ANKS1B: variants seen among roughly 807,000 people sequenced by gnomAD.
ANKS1B encodes ankyrin repeat and sterile alpha motif domain containing 1B, also known as ankyrin repeat and sterile alpha motif domain-containing protein 1B.
Under a neutral mutation model 148.3 loss-of-function variants are expected in ANKS1B, and 36 were observed. The observed-to-expected ratio is 0.24, with a 90% CI of 0.19 to 0.32. The LOEUF is 0.32. Ranked by LOEUF, ANKS1B falls within the 10% of genes least tolerant of loss-of-function variation. The pLI, the probability that ANKS1B is intolerant of heterozygous loss-of-function variation, is 1.00. For missense variants in ANKS1B, 1,157 were observed against 1,542.6 expected (o/e 0.75, Z 4.19); for synonymous variants, 542 against 560.8 (o/e 0.97, Z 0.47).
intron 10 of ANKS1B, among the ~76,000 whole-genome samples, chr12:99,447,925 G>A (rs1484325704): frequency 6.6e-6 from 1 of 152,006 alleles, no homozygotes. Context: ...CAGGGAAAAT[G>A]GCTTTTATAA....
chr12:99,464,703 T>C (rs2096064842), intron 10 of ANKS1B, among the ~76,000 whole-genome samples: 1 of 151,894 alleles, frequency 6.6e-6, no homozygotes, highest in South Asian at 2.1e-4. Flanking sequence ...TGATGGAAGA[T>C]GAAATGAATG....
intron 12 of ANKS1B, among the ~76,000 whole-genome samples, chr12:99,382,894 T>C (rs1200555460): frequency 2.0e-5 from 3 of 152,106 alleles, no homozygotes; most frequent in Non-Finnish European, 4.4e-5. Flanking sequence ...AAGTCTTAGA[T>C]ATATTATACC....
rs191157778 is a variant in ANKS1B, at chr12:98,909,373, G to T, written c.2779-77237C>A. Reference sequence around the variant, plus strand: ...TTTGATATAGAAATTAGTTTACCTAGTGTACTGATGAGGTACATGAGGCTC... The same window carrying T: ...TTTGATATAGAAATTAGTTTACCTATTGTACTGATGAGGTACATGAGGCTC... On this transcript the variant is annotated intron_variant, in intron 17 of 26. Coordinates refer to ENST00000683438, the MANE Select transcript of ANKS1B (RefSeq NM_001352186.2). Among the ~76,000 whole-genome samples, 392 of 152,304 alleles carry T rather than the reference G, an allele frequency of 2.6e-3. 1 individual carries two copies. Among genetic ancestry groups the T allele is most frequent in the Non-Finnish European group, 4.3e-3 (292 of 68,036 alleles).
At chr12:99,350,341 T>A (rs1445093745) in intron 12 of ANKS1B, among the ~76,000 whole-genome samples, 7 of 151,208 alleles carry the variant, frequency 4.6e-5, no homozygotes, top group African/African-American at 7.3e-5. Context: ...GCTCAGGTAT[T>A]TTTTTTATAG....
At chr12:99,336,929 A>C (rs972636507) in intron 12 of ANKS1B, among the ~76,000 whole-genome samples, 5 of 151,944 alleles carry the variant, frequency 3.3e-5, no homozygotes, top group Non-Finnish European at 7.4e-5. Flanking sequence ...TGCTTTCAGG[A>C]TCCTTTCTTT....
intron 1 of ANKS1B, among the ~76,000 whole-genome samples, chr12:99,921,191 A>T (rs2094340641): frequency 6.6e-6 from 1 of 152,092 alleles, no homozygotes; most frequent in Non-Finnish European, 1.5e-5. Flanking sequence ...CTGTCAACAG[A>T]GGAAGGTGAT....
At chr12:99,198,451 C>T (rs78414489) in intron 14 of ANKS1B, among the ~76,000 whole-genome samples, 10,261 of 152,158 alleles carry the variant, frequency 0.067, 732 homozygotes, top group African/African-American at 0.18. Context: ...ACTTCTACTG[C>T]CACAAAAATG....
chr12:99,924,766 C>A (rs1195781428), intron 1 of ANKS1B, among the ~76,000 whole-genome samples: 1 of 152,096 alleles, frequency 6.6e-6, no homozygotes, highest in Non-Finnish European at 1.5e-5. Flanking sequence ...TTCCCAATCT[C>A]CAGAAGTCTG....
In ANKS1B at chr12:98,838,900, CT is replaced by C. The variant is rs376696190; in HGVS notation, c.2779-6765del. Among the ~76,000 whole-genome samples, 1,108 of 152,352 alleles carry C rather than the reference CT, an allele frequency of 7.3e-3. 15 individuals are homozygous for C. The highest frequency in any genetic ancestry group is 0.026 in the African/African-American group (1,068 of 41,588). ...CAAATAATTGTCAAAGTTTTCCCCCCTGCCTGATAACAATTTCTAAACACTT... is the reference window on the plus strand; with the variant it reads ...CAAATAATTGTCAAAGTTTTCCCCCCGCCTGATAACAATTTCTAAACACTT... On this transcript the variant is annotated intron_variant, in intron 17 of 26. Transcript: ENST00000683438.
rs549604757 is a variant in ANKS1B at position 98,931,330 on chromosome 12, A to G, written c.2779-99194T>C. Among the ~76,000 whole-genome samples the G allele has an allele frequency of 3.3e-4, 51 of 152,284 alleles. 1 individual carries two copies. The highest frequency in any genetic ancestry group is 1.1e-3 in the African/African-American group (44 of 41,554). On this transcript the variant is annotated intron_variant, in intron 17 of 26. Coordinates refer to ENST00000683438, the MANE Select transcript of ANKS1B (RefSeq NM_001352186.2). ...TCTGATCACTGGCCAGAGGGGAAAAATTGTTTTTTATGACCTGAAAATGTA... is the reference window on the plus strand; with the variant it reads ...TCTGATCACTGGCCAGAGGGGAAAAGTTGTTTTTTATGACCTGAAAATGTA...
chr12:99,876,133 T>C (rs2092023023), intron 1 of ANKS1B, among the ~76,000 whole-genome samples: 2 of 152,114 alleles, frequency 1.3e-5, no homozygotes, highest in African/African-American at 2.4e-5. Flanking sequence ...ATATCAAACA[T>C]CCATTCCTTC....
chr12:99,942,201 G>A (rs2094937065), intron 1 of ANKS1B, among the ~76,000 whole-genome samples: 1 of 152,136 alleles, frequency 6.6e-6, no homozygotes, highest in African/African-American at 2.4e-5. Flanking sequence ...AACCAGGAAA[G>A]AGGAGAGCAA....
At chr12:99,494,672 G>A (rs932418079) in intron 10 of ANKS1B, among the ~76,000 whole-genome samples, 4 of 138,948 alleles carry the variant, frequency 2.9e-5, no homozygotes, top group Non-Finnish European at 6.1e-5. Flanking sequence ...GGCGGAGCTT[G>A]TAGTGAGCCG....
At chr12:99,004,806 T>C (rs2099935189) in intron 17 of ANKS1B, among the ~76,000 whole-genome samples, 1 of 151,886 alleles carries the variant, frequency 6.6e-6, no homozygotes, top group Non-Finnish European at 1.5e-5. Flanking sequence ...GCTCATTGAA[T>C]AAATGAATGC....
At chr12:99,412,221 G>A (rs2094733231) in intron 11 of ANKS1B, among the ~76,000 whole-genome samples, 1 of 151,962 alleles carries the variant, frequency 6.6e-6, no homozygotes, top group Admixed American at 6.6e-5. Context: ...TGTTCATTAA[G>A]CCTGGTTTCT....
At chr12:99,254,914 T>C (rs556788175) in intron 12 of ANKS1B, among the ~76,000 whole-genome samples, 1 of 152,300 alleles carries the variant, frequency 6.6e-6, no homozygotes, top group Admixed American at 6.5e-5. Flanking sequence ...AGATTTGGTT[T>C]GTTAGTACTT....
intron 12 of ANKS1B, among the ~76,000 whole-genome samples, chr12:99,254,516 A>G (rs574116569): frequency 6.6e-6 from 1 of 152,188 alleles, no homozygotes; most frequent in Non-Finnish European, 1.5e-5. Context: ...GAAGAAAGTC[A>G]TATGTCTAAA....
intron 10 of ANKS1B, among the ~76,000 whole-genome samples, chr12:99,471,297 T>G (rs2152903480): frequency 6.6e-6 from 1 of 152,208 alleles, no homozygotes; most frequent in South Asian, 2.1e-4. Flanking sequence ...AACAAAATAT[T>G]GCTTAAATAC....
intron 14 of ANKS1B, among the ~76,000 whole-genome samples, chr12:99,193,436 A>G (rs1296493437): frequency 1.3e-5 from 2 of 151,714 alleles, no homozygotes; most frequent in Non-Finnish European, 2.9e-5. Flanking sequence ...AATAGTTCAT[A>G]TCCACTTTTT....
Sources: gnomAD v4.1 joint callset for allele counts (sites outside exome capture counted in the v4.1 genomes callset) on GRCh38, gnomAD v4.1.1 for gene constraint, MANE v1.5 for transcripts, NCBI Gene and HGNC (gene_info 2026-07-23, HGNC 2026-07-21) for gene names.